PTPN14: variants seen among roughly 807,000 people sequenced by gnomAD.
PTPN14 encodes tyrosine-protein phosphatase non-receptor type 14.
A neutral mutation model predicts 126.8 loss-of-function variants in PTPN14; 53 were observed. The observed-to-expected ratio is 0.42, with a 90% CI of 0.34 to 0.53. The LOEUF (loss-of-function observed/expected upper bound fraction) is 0.53. PTPN14 is among the 20% of genes least tolerant of loss of function. PTPN14 has a pLI of 0.08. For synonymous variants in PTPN14, 630 were observed against 599.3 expected, an observed-to-expected ratio of 1.05 and a Z score of -0.75; for missense variants, 1,257 against 1,552.9, an observed-to-expected ratio of 0.81 and a Z score of 3.20.
At chr1:214,388,049 C>T (rs1396411859) in intron 11 of PTPN14, among the ~76,000 whole-genome samples, 1 of 152,122 alleles carries the variant, frequency 6.6e-6, no homozygotes, top group Non-Finnish European at 1.5e-5. Flanking sequence ...GCTATTTAGA[C>T]TGAACCTGAA....
intron 12 of PTPN14, 72 bp downstream of exon 12, chr1:214,386,772 T>TA: frequency 7.2e-7 from 1 of 1,394,656 alleles, no homozygotes; most frequent in Non-Finnish European, 9.9e-7. Context: ...ATCTTTTTTT[T>TA]AAAGCCTTCT....
rs57429060 is a variant in PTPN14, at chr1:214,364,766, AGTGTGTGTGTGTGTGT to A, written c.3272-107_3272-92del. 3.0e-5 allele frequency: 18 copies of A among 591,858 alleles called. No individual in the cohort carries two copies. The highest frequency in any genetic ancestry group is 6.7e-5 in the African/African-American group (3 of 44,828). 36.7% of individuals were successfully genotyped at this position (591,858 alleles called of 1,614,324 possible). ...GGGGAGCGGAAGAGAACTGATGGTG[AGTGTGTGTGTGTGTGT>A]GTGTGTGTGTGTGTGTGTGTGTGTT... On this transcript the variant is annotated intron_variant, in intron 17 of 18. Coordinates refer to ENST00000366956, the MANE Select transcript of PTPN14 (RefSeq NM_005401.5). The surrounding 1 kb of genome is among the most constrained non-coding windows in gnomAD (Gnocchi z 4.1).
chr1:214,360,776 T>C (rs1657936746), intron 18 of PTPN14, among the ~76,000 whole-genome samples: 1 of 152,210 alleles, frequency 6.6e-6, no homozygotes, highest in Non-Finnish European at 1.5e-5. Context: ...GTTTCTCTTC[T>C]GTTATGTGAG....
intron 16 of PTPN14, among the ~76,000 whole-genome samples, chr1:214,370,296 A>AG (rs66868516): frequency 6.6e-6 from 1 of 151,280 alleles, no homozygotes. Context: ...AAAAAAAAAA[A>AG]GAAAAAAGAA....
At chr1:214,426,593 T>A (rs12042767) in intron 3 of PTPN14, among the ~76,000 whole-genome samples, 5,773 of 152,050 alleles carry the variant, frequency 0.038, 246 homozygotes, top group East Asian at 0.19. Flanking sequence ...AAACCTTTTG[T>A]TTAGGACATG....
chr1:214,499,377 A>G (rs1654622641), intron 1 of PTPN14, among the ~76,000 whole-genome samples: 1 of 124,232 alleles, frequency 8.0e-6, no homozygotes, highest in South Asian at 2.6e-4. Context: ...AAAAGAGGGT[A>G]GGCATATATA....
At position 214,353,815 on chromosome 1, in the gene PTPN14, T is replaced by C. The variant is rs963957546; in HGVS notation, c.*4107A>G. 1 of 152,286 alleles carries C rather than the reference T, an allele frequency of 6.6e-6. No individual in the cohort carries two copies. Among genetic ancestry groups the C allele is most frequent in the African/African-American group, 2.4e-5 (1 of 41,470 alleles). The allele number at this position is 152,286 out of a possible 1,614,324, so 9.4% of individuals were successfully genotyped here. A position where few individuals can be genotyped will look rare whatever the true frequency, so the allele number is the denominator to read the frequency against. On this transcript the variant is annotated 3_prime_UTR_variant, in exon 19 of 19. Coordinates refer to ENST00000366956, the MANE Select transcript of PTPN14 (RefSeq NM_005401.5). ...GAAAAGAGCTGGGCCACCCAGGGTATACCTTTTGTGTTCATTAGCACTGCT... is the reference window on the plus strand; with the variant it reads ...GAAAAGAGCTGGGCCACCCAGGGTACACCTTTTGTGTTCATTAGCACTGCT...
intron 3 of PTPN14, among the ~76,000 whole-genome samples, chr1:214,430,692 C>T (rs532419005): frequency 7.9e-5 from 12 of 152,260 alleles, no homozygotes; most frequent in African/African-American, 2.4e-4. Flanking sequence ...TGAGCCAATT[C>T]CTTAAAATAA....
At chr1:214,446,636 T>A (rs953106483) in intron 3 of PTPN14, among the ~76,000 whole-genome samples, 2 of 152,138 alleles carry the variant, frequency 1.3e-5, no homozygotes. Context: ...TTTCCATGGG[T>A]GTGATTCTCT....
intron 18 of PTPN14, 105 bp from the exon 19 acceptor site, chr1:214,358,155 G>A (rs934566304): frequency 3.6e-6 from 5 of 1,392,764 alleles, no homozygotes; most frequent in African/African-American, 2.9e-5. Context: ...CCATGTCCAG[G>A]TACAAGAGAA....
Position 214,403,139 on chromosome 1 carries a change from C to T in PTPN14, c.511-186G>A, listed in dbSNP as rs4636427. Reference sequence around the variant, plus strand: ...AGTTATGATTTCTACTGTTATAACACGGCTCTCCATTATAACAGGTTATTT... The same window carrying T: ...AGTTATGATTTCTACTGTTATAACATGGCTCTCCATTATAACAGGTTATTT... On this transcript the variant is annotated intron_variant, in intron 5 of 18. Coordinates refer to ENST00000366956, the MANE Select transcript of PTPN14 (RefSeq NM_005401.5). Among the ~76,000 whole-genome samples the T allele has an allele frequency of 0.23, 35,469 of 152,090 alleles. 4,300 individuals are homozygous for T. The highest frequency in any genetic ancestry group is 0.3 in the Middle Eastern group (88 of 294).
chr1:214,391,812 GATAAA>G (rs1420335743), intron 10 of PTPN14, among the ~76,000 whole-genome samples: 1 of 151,844 alleles, frequency 6.6e-6, no homozygotes, highest in Non-Finnish European at 1.5e-5. Flanking sequence ...ATTTTTTGGT[GATAAA>G]ATATCTTTTA....
intron 7 of PTPN14, among the ~76,000 whole-genome samples, chr1:214,398,982 T>C (rs1370277689): frequency 6.6e-6 from 1 of 150,690 alleles, no homozygotes; most frequent in African/African-American, 2.4e-5. Flanking sequence ...TTGGCCAGGA[T>C]GGTCTCGATC....
chr1:214,431,388 T>G (rs1248336764), intron 3 of PTPN14, among the ~76,000 whole-genome samples: 1 of 133,826 alleles, frequency 7.5e-6, no homozygotes, highest in Non-Finnish European at 1.7e-5. Flanking sequence ...CTACAAAGTG[T>G]GCTTTTCTGT....
In PTPN14 at chr1:214,411,551, G is replaced by A. The variant is rs559483357; in HGVS notation, c.510+133C>T. The A allele has an allele frequency of 1.6e-4, 92 of 565,908 alleles. 1 individual carries two copies. In the South Asian group the frequency reaches 2.3e-3, roughly 14 times the overall value. The allele number at this position is 565,908 out of a possible 1,614,324, so 35.1% of individuals were successfully genotyped here. A position where few individuals can be genotyped will look rare whatever the true frequency, so the allele number is the denominator to read the frequency against. Reference sequence around the variant, plus strand: ...CTTCTCAGTGTGTTTTATAAAACTTGCCCCTACTTTATAAACCCATCGACT... The same window carrying A: ...CTTCTCAGTGTGTTTTATAAAACTTACCCCTACTTTATAAACCCATCGACT... On this transcript the variant is annotated intron_variant, in intron 5 of 18. Transcript: ENST00000366956.
intron 3 of PTPN14, among the ~76,000 whole-genome samples, chr1:214,448,171 G>A (rs1289251579): frequency 2.0e-5 from 3 of 152,162 alleles, no homozygotes; most frequent in African/African-American, 7.2e-5. Context: ...GAGTTTTAGA[G>A]GTTAACTGAT....
rs368979009 is a variant in PTPN14 at position 214,491,440 on chromosome 1, G to A, written c.-154-26483C>T. Among the ~76,000 whole-genome samples the A allele has an allele frequency of 2.2e-4, 34 of 152,248 alleles. 1 individual carries two copies. The South Asian group carries it at 6.0e-3, about 27-fold the overall frequency. On this transcript the variant is annotated intron_variant, in intron 1 of 18. Coordinates refer to ENST00000366956, the MANE Select transcript of PTPN14 (RefSeq NM_005401.5). ...AAGGAAGACAATCCTTCCACAAATG[G>A]GAGTGGGGAGCGATGGTTTTGGAAT...
intron 6 of PTPN14, among the ~76,000 whole-genome samples, chr1:214,402,655 A>AGGGAGGGAGGGAGGGAGGG: frequency 3.8e-3 from 1 of 262 alleles, no homozygotes; most frequent in African/African-American, 0.012. Context: ...GGAAGGAAGG[A>AGGGAGGGAGGGAGGGAGGG]AGGAAGGAAG....
At chr1:214,408,608 T>C (rs893101411) in intron 5 of PTPN14, among the ~76,000 whole-genome samples, 1 of 152,184 alleles carries the variant, frequency 6.6e-6, no homozygotes, top group Non-Finnish European at 1.5e-5. Context: ...GAACTGACCA[T>C]CTAGCTGACA....
Sources: gnomAD v4.1 joint callset for allele counts (sites outside exome capture counted in the v4.1 genomes callset) on GRCh38, gnomAD v4.1.1 for gene constraint, Gnocchi (gnomAD v3.1) non-coding constraint, MANE v1.5 for transcripts, NCBI Gene and HGNC (gene_info 2026-07-23, HGNC 2026-07-21) for gene names.